Variants in P2RY12 observed in about 807,000 individuals in gnomAD.
P2RY12 encodes the protein purinergic receptor P2Y12, also known as P2Y purinoceptor 12.
In P2RY12, 3 loss-of-function variants were observed where a neutral mutation model predicts 4.5. That is an observed-to-expected ratio of 0.67 (90% CI 0.31 to 1.74). The LOEUF (loss-of-function observed/expected upper bound fraction) is 1.74, where lower values mean the gene tolerates loss of function less well. Among genes scored for constraint, P2RY12 ranks in the 40% most tolerant of loss-of-function variants. The pLI is 0.09. For missense variants in P2RY12, 356 were observed against 407.8 expected, an observed-to-expected ratio of 0.87 and a Z score of 1.09; for synonymous variants, 148 against 154.1, an observed-to-expected ratio of 0.96 and a Z score of 0.29.
chr3:151,377,073 A>G (rs1247573278), intron 1 of P2RY12: 1 of 1,614,120 alleles, frequency 6.2e-7, no homozygotes, highest in Admixed American at 1.7e-5. Flanking sequence ...CAGTCTGCAG[A>G]CCTAAATAAT....
chr3:151,369,205 T>C (rs1755870439), intron 1 of P2RY12, among the ~76,000 whole-genome samples: 1 of 152,182 alleles, frequency 6.6e-6, no homozygotes, highest in African/African-American at 2.4e-5. Flanking sequence ...CTACTAATCT[T>C]GTTGATGTAG....
intron 1 of P2RY12, chr3:151,376,002 A>G (rs776782725): frequency 5.7e-6 from 8 of 1,399,548 alleles, no homozygotes; most frequent in Non-Finnish European, 7.7e-6. Context: ...GTGCCTGTCA[A>G]TCTAATTGCC....
chr3:151,359,533 C>A (rs1418477955), intron 1 of P2RY12, among the ~76,000 whole-genome samples: 1 of 152,074 alleles, frequency 6.6e-6, no homozygotes, highest in Non-Finnish European at 1.5e-5. Flanking sequence ...TTGCCCTTTC[C>A]CCTGAATAGT....
chr3:151,338,265 C>G lies in P2RY12; in HGVS notation c.581G>C (p.Cys194Ser), dbSNP rs753306510. The change falls in exon 3 of 3, where the codon TGT becomes TCT. Residue 194 changes from cysteine to serine, a missense_variant. Coordinates refer to ENST00000302632, the MANE Select transcript of P2RY12 (RefSeq NM_022788.5). The part of the protein sequence containing the change: ...LVWHEIVNYI[C>S]QVIFWINFLI... ...GAAATTAATCCAGAAAATGACTTGA[C>G]AGATGTAATTTACTATTTCATGCCA... 2 of 1,613,910 alleles carry G rather than the reference C, an allele frequency of 1.2e-6. No individual in the cohort carries two copies. The highest frequency in any genetic ancestry group is 2.2e-5 in the South Asian group (2 of 91,076).
At chr3:151,381,239 G>C (rs1712281067) in intron 1 of P2RY12, among the ~76,000 whole-genome samples, 1 of 152,156 alleles carries the variant, frequency 6.6e-6, no homozygotes. Flanking sequence ...AATGGTACTA[G>C]ATGGACATGG....
At chr3:151,383,872 G>T in intron 1 of P2RY12, 1 of 1,613,350 alleles carries the variant, frequency 6.2e-7, no homozygotes, top group Non-Finnish European at 8.5e-7. Context: ...AGGAACTGTT[G>T]ACATGCACAC....
chr3:151,354,048 G>GGAC (rs1477239185), intron 1 of P2RY12, among the ~76,000 whole-genome samples: 1 of 147,184 alleles, frequency 6.8e-6, no homozygotes, highest in Non-Finnish European at 1.5e-5. Flanking sequence ...GGCTGAGGCA[G>GGAC]GAGAATGGCG....
intron 1 of P2RY12, chr3:151,377,207 G>A (rs73158000): frequency 0.15 from 228,472 of 1,571,864 alleles, 18,447 homozygotes; most frequent in Non-Finnish European, 0.17. Context: ...TTATTGAACT[G>A]TCATGAATTT....
At chr3:151,365,146 G>A (rs2107913055) in intron 1 of P2RY12, 2 of 1,614,046 alleles carry the variant, frequency 1.2e-6, no homozygotes, top group Non-Finnish European at 1.7e-6. Context: ...GCGGCCAATC[G>A]CTACAGCTTT....
At chr3:151,374,838 T>C (rs1756631535) in intron 1 of P2RY12, among the ~76,000 whole-genome samples, 1 of 152,196 alleles carries the variant, frequency 6.6e-6, no homozygotes, top group African/African-American at 2.4e-5. Flanking sequence ...TACTCAGAGA[T>C]GTGTCTCCCT....
At chr3:151,382,372 T>C (rs760630031) in intron 1 of P2RY12, among the ~76,000 whole-genome samples, 18 of 152,218 alleles carry the variant, frequency 1.2e-4, no homozygotes, top group Non-Finnish European at 2.5e-4. Flanking sequence ...AAGTTTTTAT[T>C]AATGCTTAAT....
intron 1 of P2RY12, among the ~76,000 whole-genome samples, chr3:151,355,556 A>C (rs971183703): frequency 6.6e-6 from 1 of 152,210 alleles, no homozygotes; most frequent in Non-Finnish European, 1.5e-5. Flanking sequence ...GATTGAAATA[A>C]AATACTACGA....
In P2RY12 at chr3:151,337,976, A is replaced by G; in HGVS notation, c.870T>C (p.Asn290=). ...AATAGATGAACGGATCCAGGCATGC[A>G]TTTAAGGAAGTTAACCACAGAGTGC... ...KESTLWLTSL[N]ACLDPFIYFF... is the part of the protein sequence containing the mutation. The change falls in exon 3 of 3, where the codon AAT becomes AAC. Residue 290 remains asparagine, a synonymous_variant. Coordinates refer to ENST00000302632, the MANE Select transcript of P2RY12 (RefSeq NM_022788.5). 6.2e-7 allele frequency: 1 copy of G among 1,614,156 alleles called. No homozygotes were observed. Among genetic ancestry groups the G allele is most frequent in the Non-Finnish European group, 8.5e-7 (1 of 1,180,010 alleles).
chr3:151,365,101 A>C, intron 1 of P2RY12: 1 of 1,614,108 alleles, frequency 6.2e-7, no homozygotes, highest in Non-Finnish European at 8.5e-7. Flanking sequence ...CGCAGCATCA[A>C]CTACTCAATG....
intron 1 of P2RY12, chr3:151,354,980 A>G (rs1364731934): frequency 2.9e-6 from 2 of 678,170 alleles, no homozygotes; most frequent in African/African-American, 3.7e-5. Context: ...TTCAAGTCTT[A>G]TTGTGTATTT....
intron 1 of P2RY12, among the ~76,000 whole-genome samples, chr3:151,380,559 T>C (rs1712092043): frequency 6.8e-6 from 1 of 146,620 alleles, no homozygotes; most frequent in African/African-American, 2.5e-5. Context: ...ATCGCGCCAT[T>C]GCACACCAGC....
chr3:151,354,023 C>T (rs1315582851), intron 1 of P2RY12, among the ~76,000 whole-genome samples: 3 of 148,880 alleles, frequency 2.0e-5, no homozygotes, highest in Admixed American at 6.7e-5. Flanking sequence ...CGCCTGTAGT[C>T]CCAGCTACTT....
At chr3:151,358,781 G>T (rs138985934) in intron 1 of P2RY12, among the ~76,000 whole-genome samples, 1 of 152,066 alleles carries the variant, frequency 6.6e-6, no homozygotes, top group Non-Finnish European at 1.5e-5. Flanking sequence ...ACTGGATTAC[G>T]ATGTGAAATG....
chr3:151,363,589 G>T (rs766853334), intron 1 of P2RY12, among the ~76,000 whole-genome samples: 1 of 152,170 alleles, frequency 6.6e-6, no homozygotes, highest in Non-Finnish European at 1.5e-5. Flanking sequence ...TTGCAAACTT[G>T]TATCCTTCAA....
Sources: allele counts gnomAD v4.1 joint callset (sites outside exome capture counted in the v4.1 genomes callset), GRCh38; gene constraint gnomAD v4.1.1; transcripts MANE v1.5; gene names NCBI Gene and HGNC (gene_info 2026-07-23, HGNC 2026-07-21).